Variants in AEBP2 observed in about 807,000 individuals in gnomAD.
The protein encoded by AEBP2 is AE binding protein 2.
In AEBP2, 10 loss-of-function variants were observed where a neutral mutation model predicts 50.8. That is an observed-to-expected ratio of 0.20 (90% confidence interval 0.12 to 0.33). The LOEUF is 0.33. Ranked by LOEUF, AEBP2 falls within the 10% of genes least tolerant of loss-of-function variation. The probability of loss-of-function intolerance (pLI) is 1.00; values close to 1 mark genes in which losing one functional copy is unlikely to be tolerated. For missense variants in AEBP2, 570 were observed against 688.0 expected (o/e 0.83, Z 1.92); for synonymous variants, 296 against 261.3 (o/e 1.13, Z -1.28).
At chr12:19,435,748 G>T (rs2095753890), upstream of AEBP2, among the ~76,000 whole-genome samples, 1 of 152,120 alleles carries the variant, frequency 6.6e-6, no homozygotes, top group Admixed American at 6.5e-5. Flanking sequence ...TATAGTTATT[G>T]TATGTCTTAC....
chr12:19,477,680 G>T lies in AEBP2; in HGVS notation c.987+4325G>T, dbSNP rs567883749. ...TCTTTTTGATAGGCTGTTGGATTCG[G>T]TTAGCTAGTATTTTGTTGAGGATGT... On this transcript the variant is annotated intron_variant, in intron 3 of 7. Coordinates refer to ENST00000266508, the MANE Select transcript of AEBP2 (RefSeq NM_153207.5). Among the ~76,000 whole-genome samples the T allele has an allele frequency of 9.9e-5, 15 of 152,254 alleles. No homozygotes were observed. In the South Asian group the frequency reaches 2.1e-3, roughly 21 times the overall value.
intron 1 of AEBP2, among the ~76,000 whole-genome samples, chr12:19,427,976 C>T (rs1340697172): frequency 6.6e-6 from 1 of 151,856 alleles, no homozygotes; most frequent in African/African-American, 2.4e-5. Context: ...GGTGTGATCT[C>T]CCGTAATCCC....
intron 1 of AEBP2, among the ~76,000 whole-genome samples, chr12:19,443,489 C>A (rs548106849): frequency 6.6e-6 from 1 of 150,820 alleles, no homozygotes; most frequent in Non-Finnish European, 1.5e-5. Flanking sequence ...GAGGCCGAGT[C>A]GGGTGGATCA....
chr12:19,511,569 C>T (rs1191281156), intron 5 of AEBP2, among the ~76,000 whole-genome samples: 6 of 152,102 alleles, frequency 3.9e-5, no homozygotes. Flanking sequence ...TTGGAAAAAG[C>T]CTTCTGGGCA....
intron 3 of AEBP2, among the ~76,000 whole-genome samples, chr12:19,490,739 T>C (rs2120429147): frequency 6.6e-6 from 1 of 152,286 alleles, no homozygotes; most frequent in Middle Eastern, 3.4e-3. Flanking sequence ...GTATTGGGAT[T>C]ACAGGCATGA....
At chr12:19,408,502 T>C (rs900204470) in intron 1 of AEBP2, among the ~76,000 whole-genome samples, 1 of 150,608 alleles carries the variant, frequency 6.6e-6, no homozygotes, top group Non-Finnish European at 1.5e-5. Flanking sequence ...TGAGCCGAGA[T>C]TGCACCACTG....
chr12:19,447,511 C>T (rs1409921536), intron 1 of AEBP2, among the ~76,000 whole-genome samples: 3 of 152,148 alleles, frequency 2.0e-5, no homozygotes, highest in Admixed American at 1.3e-4. Context: ...CAATAGTTTG[C>T]ATTGTTTTTC....
intron 1 of AEBP2, among the ~76,000 whole-genome samples, chr12:19,425,490 G>C (rs1309618151): frequency 4.6e-5 from 7 of 152,080 alleles, no homozygotes; most frequent in African/African-American, 1.7e-4. Flanking sequence ...AATTAGGCCA[G>C]GTCTGGCGGC....
intron 2 of AEBP2, among the ~76,000 whole-genome samples, chr12:19,469,122 C>T (rs771996298): frequency 4.6e-5 from 7 of 152,142 alleles, no homozygotes; most frequent in South Asian, 2.1e-4. Context: ...GGTGGGGTTT[C>T]GCCATGTTGG....
intron 1 of AEBP2, among the ~76,000 whole-genome samples, chr12:19,407,591 T>TA (rs1448926718): frequency 6.6e-6 from 1 of 152,120 alleles, no homozygotes; most frequent in East Asian, 1.9e-4. Context: ...CGTGAGCCAC[T>TA]ACGCCCAGCC....
chr12:19,505,579 C>T (rs1949144670), intron 5 of AEBP2, among the ~76,000 whole-genome samples: 1 of 152,194 alleles, frequency 6.6e-6, no homozygotes, highest in Non-Finnish European at 1.5e-5. Context: ...GGTGTAACAT[C>T]TTGAGGTGGG....
chr12:19,493,710 C>T (rs945582855), intron 3 of AEBP2, 90 bp from the exon 4 acceptor site: 2 of 1,247,814 alleles, frequency 1.6e-6, no homozygotes, highest in Non-Finnish European at 2.2e-6. Flanking sequence ...TACTTATTTA[C>T]TTCCGAAAAT....
Position 19,518,277 on chromosome 12 carries a change from A to G in AEBP2, c.*160A>G. The G allele has an allele frequency of 7.6e-7, 1 of 1,319,638 alleles. No individual in the cohort carries two copies. Among genetic ancestry groups the G allele is most frequent in the South Asian group, 2.1e-5 (1 of 47,636 alleles). The allele number at this position is 1,319,638 out of a possible 1,614,324, so 81.7% of individuals were successfully genotyped here. ...AGGATAATATTTATGCTTAGTGTAAACATTCTGTGAATGAAGTAGACTCTT... is the reference window on the plus strand; with the variant it reads ...AGGATAATATTTATGCTTAGTGTAAGCATTCTGTGAATGAAGTAGACTCTT... On this transcript the variant is annotated 3_prime_UTR_variant, in exon 8 of 8. Coordinates refer to ENST00000266508, the MANE Select transcript of AEBP2 (RefSeq NM_153207.5).
chr12:19,510,865 CT>C lies in AEBP2; in HGVS notation c.1300-1516del, dbSNP rs58870259. The stretch of plus-strand genomic sequence containing the variant: ...AGTACATCGCTTTTTAAGGTAGTGA[CT>C]TTTTTTTTTTTTTTTTGAGGTGGGG... On this transcript the variant is annotated intron_variant, in intron 5 of 7. Coordinates refer to ENST00000266508, the MANE Select transcript of AEBP2 (RefSeq NM_153207.5). 1.5e-3 allele frequency among the ~76,000 whole-genome samples: 135 copies of C among 89,030 alleles called. 3 individuals carry two copies. Among genetic ancestry groups the C allele is most frequent in the African/African-American group, 6.4e-3 (130 of 20,446 alleles). 58.4% of individuals were successfully genotyped at this position (89,030 alleles called of 152,430 possible).
intron 2 of AEBP2, among the ~76,000 whole-genome samples, chr12:19,468,061 AAAAG>A (rs922016332): frequency 3.3e-5 from 5 of 151,800 alleles, no homozygotes; most frequent in African/African-American, 7.3e-5. Flanking sequence ...AAAAAAAAGA[AAAAG>A]AAAATAAAAA....
chr12:19,518,516 AC>A lies in AEBP2; in HGVS notation c.*400del. Reference sequence around the variant, plus strand: ...AAAAACAATTACAACATGTGCCCTTACAAATACCAAAAGCACTGTAAGGATA... The same window carrying A: ...AAAAACAATTACAACATGTGCCCTTAAAATACCAAAAGCACTGTAAGGATA... On this transcript the variant is annotated 3_prime_UTR_variant, in exon 8 of 8. Transcript: ENST00000266508. 2 of 1,260,546 alleles carry A rather than the reference AC, an allele frequency of 1.6e-6. No individual in the cohort carries two copies. Among genetic ancestry groups the A allele is most frequent in the Admixed American group, 7.7e-5 (2 of 26,114 alleles). 78.1% of individuals were successfully genotyped at this position (1,260,546 alleles called of 1,614,324 possible).
At chr12:19,457,893 T>G (rs766576159) in intron 1 of AEBP2, among the ~76,000 whole-genome samples, 1 of 152,200 alleles carries the variant, frequency 6.6e-6, no homozygotes, top group Non-Finnish European at 1.5e-5. Flanking sequence ...CATGAAAGTT[T>G]GAGAAACACT....
In AEBP2 at chr12:19,440,058, G is replaced by T; in HGVS notation, c.359G>T (p.Ser120Ile). The change falls in exon 1 of 8, where the codon AGT becomes ATT. Residue 120 changes from serine (S) to isoleucine (I), a missense_variant. By Grantham distance (142) the Ser-to-Ile change is moderately radical. This residue lies in a region of AEBP2 where 386 missense variants were observed against 336.8 expected (regional missense o/e 1.15). Transcript: ENST00000266508. ...SSSSGGGEEE[S>I]SAESLVGSSG... is the part of the protein sequence containing the mutation. ...AGCAGCGGCGGGGGTGAGGAGGAGA[G>T]TAGCGCCGAGAGCCTGGTGGGCAGC... The T allele has an allele frequency of 6.6e-7, 1 of 1,518,210 alleles. No homozygotes were observed. Among genetic ancestry groups the T allele is most frequent in the South Asian group, 1.2e-5 (1 of 82,990 alleles). 94.0% of individuals were successfully genotyped at this position (1,518,210 alleles called of 1,614,324 possible).
chr12:19,501,569 C>G (rs1851924338), intron 5 of AEBP2, among the ~76,000 whole-genome samples: 1 of 151,674 alleles, frequency 6.6e-6, no homozygotes, highest in South Asian at 2.1e-4. Flanking sequence ...CCCAGGAGGT[C>G]AAGGGTGCAG....
Sources: gnomAD v4.1 joint callset for allele counts (sites outside exome capture counted in the v4.1 genomes callset) on GRCh38, gnomAD v4.1.1 for gene constraint, gnomAD v4.1.1 regional missense constraint, MANE v1.5 for transcripts, NCBI Gene and HGNC (gene_info 2026-07-23, HGNC 2026-07-21) for gene names.